Variants in ZDHHC14 observed in about 807,000 individuals in gnomAD.
The protein encoded by ZDHHC14 is palmitoyltransferase ZDHHC14.
In ZDHHC14, 16 loss-of-function variants were observed where a neutral mutation model predicts 47.7. The observed-to-expected ratio is 0.34, with a 90% CI of 0.23 to 0.51. The LOEUF is 0.51. ZDHHC14 is among the 20% of genes least tolerant of loss of function. The pLI is 0.97. For missense variants in ZDHHC14, 515 were observed against 662.5 expected (o/e 0.78, Z 2.44); for synonymous variants, 293 against 278.9 (o/e 1.05, Z -0.50).
intron 1 of ZDHHC14, among the ~76,000 whole-genome samples, chr6:157,540,884 A>ATGTGTG (rs761747961): frequency 0.021 from 2,432 of 117,266 alleles, 36 homozygotes; most frequent in Middle Eastern, 0.046. Context: ...ATATATATGT[A>ATGTGTG]TGTATGTGTG....
intron 1 of ZDHHC14, among the ~76,000 whole-genome samples, chr6:157,431,445 A>G (rs1223177939): frequency 6.6e-6 from 1 of 152,172 alleles, no homozygotes; most frequent in African/African-American, 2.4e-5. Flanking sequence ...CCCATATCCA[A>G]TGCAAGGGAA....
intron 1 of ZDHHC14, among the ~76,000 whole-genome samples, chr6:157,510,180 G>T (rs1279964211): frequency 6.6e-6 from 1 of 152,170 alleles, no homozygotes; most frequent in Non-Finnish European, 1.5e-5. Context: ...GAGGCTGGAA[G>T]TTGCAGTGGG....
At chr6:157,564,951 T>C (rs1365627278) in intron 2 of ZDHHC14, among the ~76,000 whole-genome samples, 1 of 152,174 alleles carries the variant, frequency 6.6e-6, no homozygotes, top group Non-Finnish European at 1.5e-5. Flanking sequence ...TTTTCCAAAG[T>C]AAGAATATTT....
intron 2 of ZDHHC14, among the ~76,000 whole-genome samples, chr6:157,552,168 C>T (rs1782260175): frequency 6.6e-6 from 1 of 152,138 alleles, no homozygotes; most frequent in Non-Finnish European, 1.5e-5. Flanking sequence ...TAAGATATTT[C>T]AATGACTCAC....
intron 1 of ZDHHC14, among the ~76,000 whole-genome samples, chr6:157,451,196 C>T (rs1195463709): frequency 2.0e-5 from 3 of 152,124 alleles, no homozygotes; most frequent in Non-Finnish European, 2.9e-5. Context: ...AGATGCTAAT[C>T]CTTGGTGCAT....
At chr6:157,576,942 G>A (rs1467300305) in intron 2 of ZDHHC14, among the ~76,000 whole-genome samples, 11 of 152,164 alleles carry the variant, frequency 7.2e-5, no homozygotes, top group Non-Finnish European at 1.6e-4. Context: ...TGTCATGGAG[G>A]TTTAGTGTAC....
chr6:157,595,802 G>A (rs1177084790), intron 3 of ZDHHC14, among the ~76,000 whole-genome samples: 1 of 152,166 alleles, frequency 6.6e-6, no homozygotes, highest in Non-Finnish European at 1.5e-5. Context: ...TAATAGGCCA[G>A]GAGCCAGGCC....
At position 157,673,140 on chromosome 6, in the gene ZDHHC14, C is replaced by T. The variant is rs760702434; in HGVS notation, c.*18C>T. On this transcript the variant is annotated 3_prime_UTR_variant, in exon 9 of 9. Coordinates refer to ENST00000359775, the MANE Select transcript of ZDHHC14 (RefSeq NM_024630.3). The surrounding 1 kb of genome is among the most constrained non-coding windows in gnomAD (Gnocchi z 5.4). ...CCGTGTGACCCACATGGCCCCAGGC[C>T]GGGGGACACCAGAGGCTCCTCCATG... 5 of 1,550,758 alleles carry T rather than the reference C, an allele frequency of 3.2e-6. No individual in the cohort carries two copies. The highest frequency in any genetic ancestry group is 1.4e-5 in the African/African-American group (1 of 73,060).
At chr6:157,546,673 C>T (rs918971259) in intron 2 of ZDHHC14, among the ~76,000 whole-genome samples, 1 of 152,130 alleles carries the variant, frequency 6.6e-6, no homozygotes, top group African/African-American at 2.4e-5. Context: ...TTCAGAAACT[C>T]AGTTTTTACA....
Position 157,572,027 on chromosome 6 carries a change from G to A in ZDHHC14, c.407-20961G>A, listed in dbSNP as rs907202384. 3.9e-5 allele frequency among the ~76,000 whole-genome samples: 6 copies of A among 152,038 alleles called. No individual in the cohort carries two copies. In the East Asian group the frequency reaches 9.6e-4, roughly 24 times the overall value. On this transcript the variant is annotated intron_variant, in intron 2 of 8. Transcript: ENST00000359775. ...CAGATTCTGGCTCAGCAGGGTCGGG[G>A]CTGGGAGGAGACGCTGAGATGATTC...
At chr6:157,397,201 T>C (rs1466536261) in intron 1 of ZDHHC14, among the ~76,000 whole-genome samples, 2 of 152,240 alleles carry the variant, frequency 1.3e-5, no homozygotes, top group African/African-American at 2.4e-5. Context: ...GACTTAAGTA[T>C]GGAAATAAAT....
intron 1 of ZDHHC14, among the ~76,000 whole-genome samples, chr6:157,520,656 A>C (rs1017282250): frequency 6.6e-6 from 1 of 152,274 alleles, no homozygotes; most frequent in Non-Finnish European, 1.5e-5. Context: ...TAATGAATGT[A>C]TAAATACCAT....
intron 2 of ZDHHC14, among the ~76,000 whole-genome samples, chr6:157,590,341 T>C (rs1582986208): frequency 6.6e-6 from 1 of 151,870 alleles, no homozygotes; most frequent in Non-Finnish European, 1.5e-5. Flanking sequence ...GGCCCAGAGG[T>C]CTAGGAGGAA....
chr6:157,465,696 G>C (rs1485687349), intron 1 of ZDHHC14, among the ~76,000 whole-genome samples: 1 of 152,188 alleles, frequency 6.6e-6, no homozygotes, highest in African/African-American at 2.4e-5. Flanking sequence ...CTACCCCTGA[G>C]GGCAGGTTGG....
chr6:157,554,816 A>G (rs976231695), intron 2 of ZDHHC14, among the ~76,000 whole-genome samples: 4 of 152,234 alleles, frequency 2.6e-5, no homozygotes, highest in African/African-American at 7.2e-5. Flanking sequence ...AGAGAGATCT[A>G]TCAAGAATCA....
intron 8 of ZDHHC14, among the ~76,000 whole-genome samples, chr6:157,660,215 G>A (rs1266210119): frequency 9.6e-5 from 14 of 146,308 alleles, no homozygotes; most frequent in East Asian, 6.0e-4. Flanking sequence ...CTTTTTAGAC[G>A]GAGTCTCACT....
At chr6:157,474,935 T>A (rs1779443729) in intron 1 of ZDHHC14, among the ~76,000 whole-genome samples, 1 of 152,186 alleles carries the variant, frequency 6.6e-6, no homozygotes, top group African/African-American at 2.4e-5. Flanking sequence ...TTTGCTTCTG[T>A]CTCCTGTGCT....
chr6:157,443,961 G>A (rs746869585), intron 1 of ZDHHC14, among the ~76,000 whole-genome samples: 7 of 152,084 alleles, frequency 4.6e-5, no homozygotes, highest in South Asian at 2.1e-4. Flanking sequence ...AATGAATATG[G>A]TATTGTTATC....
chr6:157,415,967 T>C (rs1206737183), intron 1 of ZDHHC14, among the ~76,000 whole-genome samples: 1 of 151,978 alleles, frequency 6.6e-6, no homozygotes, highest in Non-Finnish European at 1.5e-5. Context: ...GCATATTCAC[T>C]CAGTAATTCT....
Sources: gnomAD v4.1 joint callset for allele counts (sites outside exome capture counted in the v4.1 genomes callset) on GRCh38, gnomAD v4.1.1 for gene constraint, Gnocchi (gnomAD v3.1) non-coding constraint, MANE v1.5 for transcripts, NCBI Gene and HGNC (gene_info 2026-07-23, HGNC 2026-07-21) for gene names.